The following SLC38A1 variants were observed in gnomAD, a reference collection of about 807,000 sequenced individuals.
SLC38A1 encodes sodium-coupled neutral amino acid symporter 1.
Under a neutral mutation model 60.3 loss-of-function variants are expected in SLC38A1, and 18 were observed. That is an observed-to-expected ratio of 0.30 (90% CI 0.21 to 0.44). The LOEUF is 0.44. Ranked by LOEUF, SLC38A1 falls within the 20% of genes least tolerant of loss-of-function variation. The pLI is 1.00. For missense variants in SLC38A1, 448 were observed against 587.2 expected (o/e 0.76, Z 2.45); for synonymous variants, 196 against 212.1 (o/e 0.92, Z 0.66).
chr12:46,262,323 G>C (rs1942222378), intron 1 of SLC38A1, among the ~76,000 whole-genome samples: 1 of 151,636 alleles, frequency 6.6e-6, no homozygotes, highest in African/African-American at 2.4e-5. Flanking sequence ...AAACTCTAAA[G>C]TTAATGAAGT....
At chr12:46,250,912 A>C (rs1941814014) in intron 1 of SLC38A1, among the ~76,000 whole-genome samples, 1 of 152,252 alleles carries the variant, frequency 6.6e-6, no homozygotes, top group Admixed American at 6.5e-5. Flanking sequence ...AAATGGCCAT[A>C]CTGCCCAAGG....
rs1049998193 is a variant in SLC38A1 at position 46,183,614 on chromosome 12, T to A, written c.*5356A>T. Reference sequence around the variant, plus strand: ...TTCTGTTTTCATATGTACTGTGTAGTGGTATCAGTGTTAAAAATGGAAGAT... The same window carrying A: ...TTCTGTTTTCATATGTACTGTGTAGAGGTATCAGTGTTAAAAATGGAAGAT... On this transcript the variant is annotated 3_prime_UTR_variant, in exon 17 of 17. Transcript: ENST00000398637. The A allele has an allele frequency of 6.6e-6, 1 of 152,174 alleles. No homozygotes were observed. The highest frequency in any genetic ancestry group is 1.5e-5 in the Non-Finnish European group (1 of 68,016). The allele number at this position is 152,174 out of a possible 1,614,324, so 9.4% of individuals were successfully genotyped here. A position where few individuals can be genotyped will look rare whatever the true frequency, so the allele number is the denominator to read the frequency against.
At chr12:46,201,860 A>G (rs1222655549) in intron 12 of SLC38A1, among the ~76,000 whole-genome samples, 2 of 149,776 alleles carry the variant, frequency 1.3e-5, no homozygotes, top group African/African-American at 4.9e-5. Flanking sequence ...GGTTATGTCA[A>G]GGAATCTAGG....
At position 46,249,108 on chromosome 12, in the gene SLC38A1, A is replaced by T. The variant is rs142038173; in HGVS notation, c.-208-5794T>A. On this transcript the variant is annotated intron_variant, in intron 1 of 16. Transcript: ENST00000398637. The stretch of plus-strand genomic sequence containing the variant: ...GAGGCAGAGTTTGCAGTGAGCCAAG[A>T]TCGTGCCACTGCACTCCAGACAGGG... Among the ~76,000 whole-genome samples the T allele has an allele frequency of 8.4e-3, 1,223 of 145,182 alleles. 8 individuals are homozygous for T. Among genetic ancestry groups the T allele is most frequent in the Admixed American group, 0.019 (260 of 13,912 alleles).
intron 1 of SLC38A1, among the ~76,000 whole-genome samples, chr12:46,251,782 A>G (rs1376897778): frequency 1.3e-5 from 2 of 152,206 alleles, no homozygotes; most frequent in African/African-American, 2.4e-5. Context: ...CAAAACCACA[A>G]TGAGATACCA....
chr12:46,232,158 ACTGCTTT>A (rs1319304428), intron 3 of SLC38A1, among the ~76,000 whole-genome samples: 1 of 152,204 alleles, frequency 6.6e-6, no homozygotes, highest in African/African-American at 2.4e-5. Flanking sequence ...ATCTGCAGAC[ACTGCTTT>A]TGGCTAGGAC....
At chr12:46,263,555 C>T (rs1942262839) in intron 1 of SLC38A1, among the ~76,000 whole-genome samples, 1 of 152,156 alleles carries the variant, frequency 6.6e-6, no homozygotes, top group African/African-American at 2.4e-5. Flanking sequence ...TAAACAAAAC[C>T]GGTTCAATAA....
In SLC38A1 at chr12:46,262,912, T is replaced by C. The variant is rs60868531; in HGVS notation, c.-209+5614A>G. Among the ~76,000 whole-genome samples the C allele has an allele frequency of 1.5e-3, 232 of 152,282 alleles. 1 individual carries two copies. The highest frequency in any genetic ancestry group is 5.1e-3 in the African/African-American group (213 of 41,570). On this transcript the variant is annotated intron_variant, in intron 1 of 16. Transcript: ENST00000398637. ...GTCTCCTCACCTTAAAATAAGAAGA[T>C]TGGATTAATGGCTGCTCTCTCAAAG...
At chr12:46,189,632 C>G (rs1939061201) in intron 16 of SLC38A1, among the ~76,000 whole-genome samples, 1 of 152,146 alleles carries the variant, frequency 6.6e-6, no homozygotes, top group African/African-American at 2.4e-5. Flanking sequence ...GGCTGTGTCC[C>G]TACCCAAATC....
intron 13 of SLC38A1, among the ~76,000 whole-genome samples, chr12:46,200,479 T>C (rs2137038888): frequency 6.6e-6 from 1 of 152,122 alleles, no homozygotes; most frequent in East Asian, 1.9e-4. Context: ...TAATGAAAGA[T>C]ATTAAATCAA....
chr12:46,229,364 A>C (rs186507464), intron 4 of SLC38A1, 96 bp from the exon 5 acceptor site: 1 of 885,516 alleles, frequency 1.1e-6, no homozygotes, highest in East Asian at 2.6e-5. Flanking sequence ...ACCAATATGG[A>C]AGTAAAATTC....
At chr12:46,235,537 A>C (rs528010172) in intron 3 of SLC38A1, among the ~76,000 whole-genome samples, 1 of 152,358 alleles carries the variant, frequency 6.6e-6, no homozygotes, top group East Asian at 1.9e-4. Context: ...TTCCACTGAA[A>C]ATAGGAAAAA....
intron 2 of SLC38A1, among the ~76,000 whole-genome samples, chr12:46,241,682 T>C (rs745318937): frequency 6.6e-5 from 10 of 152,222 alleles, no homozygotes; most frequent in South Asian, 4.1e-4. Context: ...TTTTACCATC[T>C]GCCTTATGTT....
At chr12:46,230,211 G>A (rs758651980) in intron 3 of SLC38A1, among the ~76,000 whole-genome samples, 16 of 152,246 alleles carry the variant, frequency 1.1e-4, no homozygotes, top group Admixed American at 2.0e-4. Context: ...CTGTTTCACC[G>A]TCAGACATTC....
At chr12:46,219,716 T>G (rs1940575813) in intron 5 of SLC38A1, among the ~76,000 whole-genome samples, 1 of 152,246 alleles carries the variant, frequency 6.6e-6, no homozygotes, top group African/African-American at 2.4e-5. Flanking sequence ...AACTCCAACC[T>G]GGCCTACTGT....
At chr12:46,231,184 A>C (rs1041951346) in intron 3 of SLC38A1, among the ~76,000 whole-genome samples, 5 of 152,132 alleles carry the variant, frequency 3.3e-5, no homozygotes, top group African/African-American at 1.2e-4. Context: ...ATATGAAATG[A>C]CTCAGAAACA....
chr12:46,251,720 C>T (rs947524675), intron 1 of SLC38A1, among the ~76,000 whole-genome samples: 13 of 152,262 alleles, frequency 8.5e-5, no homozygotes, highest in Non-Finnish European at 1.6e-4. Context: ...ATGGAGCCAA[C>T]AGACACATGG....
intron 16 of SLC38A1, among the ~76,000 whole-genome samples, chr12:46,189,734 C>T (rs151335205): frequency 5.3e-5 from 8 of 152,194 alleles, no homozygotes; most frequent in African/African-American, 1.4e-4. Context: ...CTTTCCCATG[C>T]TGTGCTTGTG....
At chr12:46,225,497 G>A (rs1940827814) in intron 5 of SLC38A1, among the ~76,000 whole-genome samples, 1 of 152,148 alleles carries the variant, frequency 6.6e-6, no homozygotes, top group African/African-American at 2.4e-5. Flanking sequence ...AATCATTCCA[G>A]CCCTTTCCCC....
Sources: gnomAD v4.1 joint callset for allele counts (sites outside exome capture counted in the v4.1 genomes callset) on GRCh38, gnomAD v4.1.1 for gene constraint, MANE v1.5 for transcripts, NCBI Gene and HGNC (gene_info 2026-07-23, HGNC 2026-07-21) for gene names.